Variants in ASIC2 observed in about 807,000 individuals in gnomAD.
ASIC2 encodes acid sensing ion channel subunit 2.
A neutral mutation model predicts 57.3 loss-of-function variants in ASIC2; 25 were observed. The ratio of observed to expected loss-of-function variants is 0.44; its 90% CI spans 0.32 to 0.61. The LOEUF (loss-of-function observed/expected upper bound fraction) is 0.61. ASIC2 is among the 20% of genes least tolerant of loss of function. The probability of loss-of-function intolerance (pLI) is 0.06; values close to 1 mark genes in which losing one functional copy is unlikely to be tolerated. For missense variants in ASIC2, 641 were observed against 738.1 expected (o/e 0.87, Z 1.52); for synonymous variants, 319 against 307.5 (o/e 1.04, Z -0.39).
At chr17:33,086,357 A>C (rs2092133831) in intron 3 of ASIC2, among the ~76,000 whole-genome samples, 1 of 152,234 alleles carries the variant, frequency 6.6e-6, no homozygotes, top group Non-Finnish European at 1.5e-5. Context: ...ATGTCAACAC[A>C]AGTAAGTAAT....
chr17:34,014,043 C>G (rs541537224), intron 1 of ASIC2, among the ~76,000 whole-genome samples: 1 of 152,144 alleles, frequency 6.6e-6, no homozygotes, highest in Non-Finnish European at 1.5e-5. Context: ...GGGAGTCTCC[C>G]CTTCCTTTTC....
chr17:33,240,158 T>C (rs1310265714), intron 1 of ASIC2, among the ~76,000 whole-genome samples: 1 of 152,230 alleles, frequency 6.6e-6, no homozygotes, highest in African/African-American at 2.4e-5. Context: ...TTATGAGTGC[T>C]GGTCCCATCC....
chr17:34,135,838 T>C (rs563877856), intron 1 of ASIC2, among the ~76,000 whole-genome samples: 2 of 152,252 alleles, frequency 1.3e-5, no homozygotes, highest in South Asian at 2.1e-4. Flanking sequence ...TATAGTATCT[T>C]TCATATCTAA....
At chr17:33,492,856 C>A (rs1016895325) in intron 1 of ASIC2, among the ~76,000 whole-genome samples, 1 of 152,186 alleles carries the variant, frequency 6.6e-6, no homozygotes, top group African/African-American at 2.4e-5. Context: ...GCCCAGATAG[C>A]TACTTGGTGC....
intron 1 of ASIC2, among the ~76,000 whole-genome samples, chr17:33,945,869 A>G (rs1269390500): frequency 2.6e-5 from 4 of 152,246 alleles, no homozygotes; most frequent in African/African-American, 9.6e-5. Context: ...AGTGGAATTC[A>G]TGCCCCACTG....
intron 1 of ASIC2, among the ~76,000 whole-genome samples, chr17:33,829,607 C>T (rs1913044608): frequency 6.7e-6 from 1 of 149,402 alleles, no homozygotes. Context: ...GATGGAGTCT[C>T]ACTCTGTCAT....
intron 1 of ASIC2, among the ~76,000 whole-genome samples, chr17:33,255,028 CTTTTTT>C (rs1173076413): frequency 4.1e-5 from 3 of 73,994 alleles, no homozygotes; most frequent in South Asian, 5.8e-4. Context: ...AGAAAGAAAT[CTTTTTT>C]TTTTTTTTTT....
At chr17:33,402,061 G>A (rs769566909) in intron 1 of ASIC2, among the ~76,000 whole-genome samples, 1 of 152,144 alleles carries the variant, frequency 6.6e-6, no homozygotes, top group Non-Finnish European at 1.5e-5. Context: ...GGAGGTCTTT[G>A]CAAGATCTCC....
intron 1 of ASIC2, among the ~76,000 whole-genome samples, chr17:34,051,549 C>T (rs1023097916): frequency 2.0e-5 from 3 of 152,120 alleles, no homozygotes; most frequent in Admixed American, 2.0e-4. Context: ...GCATATCCAC[C>T]CTTCTTAAAA....
chr17:33,013,883 C>T lies in ASIC2; in HGVS notation c.*82G>A. Reference sequence around the variant, plus strand: ...TGCTTCTTTCCAGCACTGGGGCCATCCCACCTGAGCTTGCTGTTCCTTGTC... The same window carrying T: ...TGCTTCTTTCCAGCACTGGGGCCATTCCACCTGAGCTTGCTGTTCCTTGTC... On this transcript the variant is annotated 3_prime_UTR_variant, in exon 10 of 10. Transcript: ENST00000225823. 1 of 1,253,930 alleles carries T rather than the reference C, an allele frequency of 8.0e-7. No homozygotes were observed. The highest frequency in any genetic ancestry group is 1.1e-6 in the Non-Finnish European group (1 of 876,380). 77.7% of individuals were successfully genotyped at this position (1,253,930 alleles called of 1,614,324 possible).
intron 1 of ASIC2, among the ~76,000 whole-genome samples, chr17:34,101,898 G>T (rs1452194835): frequency 6.6e-6 from 1 of 152,078 alleles, no homozygotes; most frequent in Non-Finnish European, 1.5e-5. Context: ...AGCCATTCTT[G>T]ATTTACCTAT....
At chr17:33,426,925 A>G (rs1465587107) in intron 1 of ASIC2, among the ~76,000 whole-genome samples, 1 of 152,208 alleles carries the variant, frequency 6.6e-6, no homozygotes, top group East Asian at 1.9e-4. Flanking sequence ...TGAGGAAGCG[A>G]CTTATAGCTG....
chr17:33,041,556 C>T (rs886474981), intron 3 of ASIC2, among the ~76,000 whole-genome samples: 1 of 152,232 alleles, frequency 6.6e-6, no homozygotes, highest in Non-Finnish European at 1.5e-5. Flanking sequence ...CAGCCCCAGA[C>T]CAGAGGATAA....
At chr17:33,749,425 GA>G (rs1910363688) in intron 1 of ASIC2, among the ~76,000 whole-genome samples, 1 of 152,016 alleles carries the variant, frequency 6.6e-6, no homozygotes, top group Non-Finnish European at 1.5e-5. Flanking sequence ...GACCGTGTGG[GA>G]GGGGCGCTTT....
rs1302852642 is a variant in ASIC2 at position 33,088,853 on chromosome 17, G to A, written c.987+10C>T. 6.2e-7 allele frequency: 1 copy of A among 1,606,438 alleles called. No homozygotes were observed. The highest frequency in any genetic ancestry group is 1.3e-5 in the African/African-American group (1 of 74,704). On this transcript the variant is annotated intron_variant, in intron 3 of 9. Transcript: ENST00000225823. ...GAGGACCATCAATCCTGGGAGCCCAGGGAACTTACCCTCTGCTCCTGTGTG... is the reference window on the plus strand; with the variant it reads ...GAGGACCATCAATCCTGGGAGCCCAAGGAACTTACCCTCTGCTCCTGTGTG...
chr17:34,034,587 T>C lies in ASIC2; in HGVS notation c.555+121391A>G, dbSNP rs1386809844. Among the ~76,000 whole-genome samples the C allele has an allele frequency of 3.3e-5, 5 of 152,310 alleles. No individual in the cohort carries two copies. In the East Asian group the frequency reaches 7.7e-4, roughly 24 times the overall value. Reference sequence around the variant, plus strand: ...AAGTCAAATTGTCCCTGTTTGCAGATGACATGATTGTATATCTAGAAAACC... The same window carrying C: ...AAGTCAAATTGTCCCTGTTTGCAGACGACATGATTGTATATCTAGAAAACC... On this transcript the variant is annotated intron_variant, in intron 1 of 9. Coordinates refer to the ASIC2 transcript ENST00000359872.
intron 1 of ASIC2, among the ~76,000 whole-genome samples, chr17:33,687,059 G>T (rs1286818051): frequency 6.6e-6 from 1 of 152,180 alleles, no homozygotes; most frequent in African/African-American, 2.4e-5. Flanking sequence ...TGTGTCCTTC[G>T]ATGAGTGGCT....
intron 1 of ASIC2, among the ~76,000 whole-genome samples, chr17:33,761,498 C>A (rs999181309): frequency 1.3e-5 from 2 of 152,152 alleles, no homozygotes; most frequent in Non-Finnish European, 2.9e-5. Flanking sequence ...GATCTTGCTG[C>A]AGATGTGGTC....
intron 1 of ASIC2, among the ~76,000 whole-genome samples, chr17:33,638,116 AATG>A (rs770244873): frequency 5.9e-5 from 9 of 152,178 alleles, no homozygotes; most frequent in Non-Finnish European, 1.3e-4. Flanking sequence ...TTCTTATAAT[AATG>A]ATGTTATCTA....
Sources: allele counts gnomAD v4.1 joint callset (sites outside exome capture counted in the v4.1 genomes callset), GRCh38; gene constraint gnomAD v4.1.1; transcripts MANE v1.5; gene names NCBI Gene and HGNC (gene_info 2026-07-23, HGNC 2026-07-21).